Variants in BMPR1B observed in about 807,000 individuals in gnomAD.
BMPR1B encodes the protein bone morphogenetic protein receptor type 1B, also known as bone morphogenetic protein receptor type-1B.
In BMPR1B, 12 loss-of-function variants were observed where a neutral mutation model predicts 59.1. The ratio of observed to expected loss-of-function variants is 0.20; its 90% confidence interval spans 0.13 to 0.33. BMPR1B has a LOEUF of 0.33. BMPR1B is among the 10% of genes least tolerant of loss of function. BMPR1B has a pLI of 1.00. For missense variants in BMPR1B, 550 were observed against 610.9 expected (o/e 0.90, Z 1.05); for synonymous variants, 237 against 207.3 (o/e 1.14, Z -1.23).
chr4:95,112,877 C>G (rs1184036490), intron 4 of BMPR1B, among the ~76,000 whole-genome samples: 1 of 151,984 alleles, frequency 6.6e-6, no homozygotes, highest in Non-Finnish European at 1.5e-5. Context: ...TTTCTATTTA[C>G]TCCTATTTTG....
At chr4:95,056,529 C>T (rs1726941128) in intron 3 of BMPR1B, among the ~76,000 whole-genome samples, 2 of 152,182 alleles carry the variant, frequency 1.3e-5, no homozygotes, top group South Asian at 4.1e-4. Flanking sequence ...TCATGGGACC[C>T]AGCAGGCCAG....
At chr4:95,128,359 C>T (rs1460363630) in intron 8 of BMPR1B, among the ~76,000 whole-genome samples, 3 of 152,270 alleles carry the variant, frequency 2.0e-5, no homozygotes, top group East Asian at 1.9e-4. Flanking sequence ...ACAAAGAATA[C>T]GTTCCAGTTT....
At chr4:94,874,849 C>A (rs991997360) in intron 1 of BMPR1B, among the ~76,000 whole-genome samples, 2 of 151,950 alleles carry the variant, frequency 1.3e-5, no homozygotes, top group African/African-American at 4.8e-5. Flanking sequence ...AAAAATTAGC[C>A]GGGCGTGGTG....
At chr4:95,040,722 C>G (rs753183278) in intron 3 of BMPR1B, among the ~76,000 whole-genome samples, 2 of 152,152 alleles carry the variant, frequency 1.3e-5, no homozygotes, top group Non-Finnish European at 2.9e-5. Flanking sequence ...CAGTGTGTAT[C>G]TGTTGTTATC....
chr4:94,879,488 A>G (rs1471702101), intron 2 of BMPR1B, among the ~76,000 whole-genome samples: 1 of 152,134 alleles, frequency 6.6e-6, no homozygotes, highest in African/African-American at 2.4e-5. Context: ...CTGTTGTCCC[A>G]GCTACTCCAG....
chr4:95,049,582 G>A (rs145163412), intron 3 of BMPR1B, among the ~76,000 whole-genome samples: 46 of 151,364 alleles, frequency 3.0e-4, no homozygotes, highest in African/African-American at 1.1e-3. Flanking sequence ...GTCTGTTCCA[G>A]TAAGATTGTA....
At chr4:94,870,357 C>T (rs996015688) in intron 1 of BMPR1B, among the ~76,000 whole-genome samples, 1 of 141,630 alleles carries the variant, frequency 7.1e-6, no homozygotes, top group Non-Finnish European at 1.5e-5. Context: ...AGTGGATTGA[C>T]TTCCCTTTCT....
intron 1 of BMPR1B, among the ~76,000 whole-genome samples, chr4:94,799,385 C>A (rs1443265567): frequency 6.6e-6 from 1 of 151,046 alleles, no homozygotes. Context: ...CTCACTGCAA[C>A]CTCCGCCTCC....
rs1160262239 is a variant in BMPR1B at position 95,086,016 on chromosome 4, AAGG to A, written c.-17-18388_-17-18386del. Among the ~76,000 whole-genome samples the A allele has an allele frequency of 4.4e-5, 6 of 135,428 alleles. No homozygotes were observed. The South Asian group carries it at 1.2e-3, about 26-fold the overall frequency. 88.8% of individuals were successfully genotyped at this position (135,428 alleles called of 152,430 possible). A position where few individuals can be genotyped will look rare whatever the true frequency, so the allele number is the denominator to read the frequency against. ...GTGTGTGTGTGTGTGTGTGTGTAAAAAGGAGGGTTTATAAAAATACAAAATCTT... is the reference window on the plus strand; with the variant it reads ...GTGTGTGTGTGTGTGTGTGTGTAAAAAGGGTTTATAAAAATACAAAATCTT... On this transcript the variant is annotated intron_variant, in intron 3 of 12. Coordinates refer to ENST00000515059, the MANE Select transcript of BMPR1B (RefSeq NM_001203.3).
intron 3 of BMPR1B, among the ~76,000 whole-genome samples, chr4:95,099,828 C>G (rs1009288806): frequency 4.6e-5 from 7 of 152,128 alleles, no homozygotes; most frequent in Admixed American, 1.3e-4. Context: ...CTTTGACTTT[C>G]CACTATCAAA....
In BMPR1B at chr4:94,999,876, C is replaced by T. The variant is rs1188338701; in HGVS notation, c.-18+3742C>T. On this transcript the variant is annotated intron_variant, in intron 3 of 12. Transcript: ENST00000515059. ...AAACCTGAAAGGTGATATTCCATTTCAGGCAGAAGAAGAAGTTGCTCCTCA... is the reference window on the plus strand; with the variant it reads ...AAACCTGAAAGGTGATATTCCATTTTAGGCAGAAGAAGAAGTTGCTCCTCA... 2.0e-5 allele frequency among the ~76,000 whole-genome samples: 3 copies of T among 152,220 alleles called. No individual in the cohort carries two copies. In the East Asian group the frequency reaches 5.8e-4, roughly 29 times the overall value.
intron 4 of BMPR1B, among the ~76,000 whole-genome samples, chr4:95,113,878 G>T (rs998346032): frequency 2.6e-5 from 4 of 152,082 alleles, no homozygotes; most frequent in Non-Finnish European, 4.4e-5. Context: ...TGTAAGATAG[G>T]AATAATAATA....
intron 2 of BMPR1B, among the ~76,000 whole-genome samples, chr4:94,878,970 A>G (rs1178023352): frequency 1.3e-5 from 2 of 152,070 alleles, no homozygotes; most frequent in African/African-American, 4.8e-5. Flanking sequence ...GCAGTTTCAC[A>G]TTGCATATTC....
At chr4:94,967,104 G>C (rs1033213418) in intron 2 of BMPR1B, among the ~76,000 whole-genome samples, 16 of 151,000 alleles carry the variant, frequency 1.1e-4, no homozygotes, top group Admixed American at 7.9e-4. Flanking sequence ...TATATCCAAA[G>C]TTGTTGTATA....
chr4:94,955,931 C>G (rs183878402), intron 2 of BMPR1B, among the ~76,000 whole-genome samples: 43 of 152,170 alleles, frequency 2.8e-4, no homozygotes, highest in South Asian at 8.3e-4. Context: ...CGTGCCTGGC[C>G]AACACATTTA....
At chr4:95,026,632 T>A (rs756987135) in intron 3 of BMPR1B, among the ~76,000 whole-genome samples, 115 of 152,138 alleles carry the variant, frequency 7.6e-4, no homozygotes, top group Non-Finnish European at 1.2e-3. Flanking sequence ...AAGGGTGCTA[T>A]AGTTGTTTGT....
At chr4:94,841,100 T>C (rs1194022030) in intron 1 of BMPR1B, among the ~76,000 whole-genome samples, 15 of 148,892 alleles carry the variant, frequency 1.0e-4, no homozygotes, top group South Asian at 2.1e-4. Context: ...GGGACCCACT[T>C]GAGGAGGCAG....
chr4:94,872,915 T>A (rs543034871), intron 1 of BMPR1B, among the ~76,000 whole-genome samples: 45 of 152,278 alleles, frequency 3.0e-4, no homozygotes, highest in African/African-American at 1.1e-3. Flanking sequence ...TTGATACAAT[T>A]TAAAGGTAAT....
intron 3 of BMPR1B, among the ~76,000 whole-genome samples, chr4:95,026,098 A>ATTTCTTTCTTTCTCTCTTTC: frequency 9.8e-6 from 1 of 101,622 alleles, no homozygotes; most frequent in Non-Finnish European, 2.1e-5. Context: ...GCTTTCTTTC[A>ATTTCTTTCTTTCTCTCTTTC]TTTCTTTCTT....
Sources: allele counts gnomAD v4.1 joint callset (sites outside exome capture counted in the v4.1 genomes callset), GRCh38; gene constraint gnomAD v4.1.1; transcripts MANE v1.5; gene names NCBI Gene and HGNC (gene_info 2026-07-23, HGNC 2026-07-21).